The following CSMD1 variants were observed in gnomAD, a reference collection of about 807,000 sequenced individuals.
CSMD1 encodes the protein CUB and Sushi multiple domains 1.
CSMD1 carries 213 observed loss-of-function variants against 417.5 expected under a neutral mutation model. That is an observed-to-expected ratio of 0.51 (90% CI 0.46 to 0.57). The LOEUF (loss-of-function observed/expected upper bound fraction) is 0.57. CSMD1 is among the 20% of genes least tolerant of loss of function. CSMD1 has a pLI of 0.00. For synonymous variants in CSMD1, 2,862 were observed against 1,736.8 expected, an observed-to-expected ratio of 1.65 and a Z score of -16.11; for missense variants, 6,923 against 4,529.7, an observed-to-expected ratio of 1.53 and a Z score of -15.17.
chr8:3,722,877 T>G (rs1181686076), intron 6 of CSMD1, among the ~76,000 whole-genome samples: 1 of 150,918 alleles, frequency 6.6e-6, no homozygotes, highest in Non-Finnish European at 1.5e-5. Flanking sequence ...TGCTTTTTCA[T>G]GGAACACCAT....
chr8:3,394,004 A>ATAATAAAAT (rs33927495), intron 17 of CSMD1, among the ~76,000 whole-genome samples: 575 of 31,934 alleles, frequency 0.018, 11 homozygotes, highest in Middle Eastern at 0.036. Context: ...TAATAATAAA[A>ATAATAAAAT]AAATAAATTA....
intron 2 of CSMD1, among the ~76,000 whole-genome samples, chr8:4,569,131 G>A (rs1296732893): frequency 2.0e-5 from 3 of 152,156 alleles, no homozygotes; most frequent in African/African-American, 7.2e-5. Flanking sequence ...TTGCTGTGCA[G>A]AAGCTCTTTA....
At chr8:4,143,736 G>A (rs1244243865) in intron 3 of CSMD1, among the ~76,000 whole-genome samples, 1 of 151,132 alleles carries the variant, frequency 6.6e-6, no homozygotes, top group Non-Finnish European at 1.5e-5. Context: ...GAAGGAAGCT[G>A]TGAAAGGGGG....
chr8:4,978,361 A>T (rs1360661577), intron 1 of CSMD1, among the ~76,000 whole-genome samples: 1 of 152,164 alleles, frequency 6.6e-6, no homozygotes, highest in Non-Finnish European at 1.5e-5. Context: ...GGAAAAAGCC[A>T]GATCACACTG....
At chr8:4,008,841 A>G (rs1444790287) in intron 4 of CSMD1, among the ~76,000 whole-genome samples, 1 of 150,952 alleles carries the variant, frequency 6.6e-6, no homozygotes, top group Non-Finnish European at 1.5e-5. Flanking sequence ...CGATCTCCTG[A>G]CCTCCTGATC....
intron 10 of CSMD1, among the ~76,000 whole-genome samples, chr8:3,523,450 G>T (rs1369604742): frequency 6.6e-6 from 1 of 152,190 alleles, no homozygotes; most frequent in East Asian, 1.9e-4. Context: ...GCCCTAGAGA[G>T]AATAAGGTGC....
chr8:3,324,599 T>G (rs1002180789), intron 23 of CSMD1, among the ~76,000 whole-genome samples: 2 of 149,116 alleles, frequency 1.3e-5, no homozygotes, highest in African/African-American at 5.0e-5. Context: ...GGAGTGGGAG[T>G]TTCCTTCCCC....
intron 2 of CSMD1, among the ~76,000 whole-genome samples, chr8:4,507,807 T>A (rs1309503263): frequency 6.6e-6 from 1 of 152,180 alleles, no homozygotes; most frequent in Non-Finnish European, 1.5e-5. Context: ...TATATGAGAA[T>A]GTCTGCTTGT....
At chr8:3,202,386 A>T (rs1171096844) in intron 31 of CSMD1, among the ~76,000 whole-genome samples, 3 of 152,182 alleles carry the variant, frequency 2.0e-5, no homozygotes, top group Non-Finnish European at 4.4e-5. Context: ...TATAATAGGA[A>T]TCCCTTGCTG....
intron 1 of CSMD1, among the ~76,000 whole-genome samples, chr8:4,649,446 G>A (rs150069838): frequency 6.6e-6 from 1 of 152,304 alleles, no homozygotes; most frequent in South Asian, 2.1e-4. Flanking sequence ...AAGAGCTTGA[G>A]TGATTTTTTC....
intron 5 of CSMD1, among the ~76,000 whole-genome samples, chr8:3,965,361 G>A (rs74583150): frequency 1.3e-5 from 2 of 152,154 alleles, no homozygotes; most frequent in African/African-American, 4.8e-5. Context: ...ATGTTTTGAA[G>A]AGTTTGTGTG....
At chr8:4,706,675 G>A (rs1807958939) in intron 1 of CSMD1, among the ~76,000 whole-genome samples, 1 of 152,170 alleles carries the variant, frequency 6.6e-6, no homozygotes, top group South Asian at 2.1e-4. Context: ...TCATCAATGT[G>A]GCTGAAGTTA....
intron 1 of CSMD1, among the ~76,000 whole-genome samples, chr8:4,753,456 C>T (rs945308369): frequency 6.6e-6 from 1 of 150,886 alleles, no homozygotes; most frequent in Non-Finnish European, 1.5e-5. Flanking sequence ...CATGCGCACA[C>T]ACTCCTTTGT....
chr8:4,408,057 C>T (rs568906852), intron 3 of CSMD1, among the ~76,000 whole-genome samples: 1 of 152,274 alleles, frequency 6.6e-6, no homozygotes, highest in South Asian at 2.1e-4. Context: ...ATGTAGCTTT[C>T]CATTCCATTA....
intron 2 of CSMD1, among the ~76,000 whole-genome samples, chr8:4,498,468 T>A (rs889323193): frequency 6.6e-6 from 1 of 152,220 alleles, no homozygotes; most frequent in East Asian, 1.9e-4. Context: ...TTAAAATGAA[T>A]TTTAGTTCAA....
chr8:4,614,172 G>C (rs1472223372), intron 2 of CSMD1, among the ~76,000 whole-genome samples: 7 of 152,154 alleles, frequency 4.6e-5, no homozygotes, highest in Non-Finnish European at 1.0e-4. Flanking sequence ...AGTTATGCAT[G>C]AAAGACATTG....
At chr8:4,966,356 G>A (rs1027355969) in intron 1 of CSMD1, among the ~76,000 whole-genome samples, 1 of 152,122 alleles carries the variant, frequency 6.6e-6, no homozygotes, top group Non-Finnish European at 1.5e-5. Flanking sequence ...TCCAGCCTGG[G>A]CAACAAGAGT....
chr8:4,576,370 T>G (rs1364165781), intron 2 of CSMD1, among the ~76,000 whole-genome samples: 2 of 152,250 alleles, frequency 1.3e-5, no homozygotes, highest in Non-Finnish European at 2.9e-5. Context: ...TCAGAGGCAT[T>G]TGGCCAAGAC....
At chr8:3,628,137 C>G (rs991834464) in intron 7 of CSMD1, among the ~76,000 whole-genome samples, 1 of 152,122 alleles carries the variant, frequency 6.6e-6, no homozygotes, top group Non-Finnish European at 1.5e-5. Flanking sequence ...ACTGTCTTCA[C>G]CTTTGTTGAC....
Sources: allele counts gnomAD v4.1 joint callset (sites outside exome capture counted in the v4.1 genomes callset), GRCh38; gene constraint gnomAD v4.1.1; transcripts MANE v1.5; gene names NCBI Gene and HGNC (gene_info 2026-07-23, HGNC 2026-07-21).